Variants in DTWD1 observed in about 807,000 individuals in gnomAD.
DTWD1 encodes the protein DTW motif tRNA-uridine aminocarboxypropyltransferase 1.
Under a neutral mutation model 30.2 loss-of-function variants are expected in DTWD1, and 27 were observed. The ratio of observed to expected loss-of-function variants is 0.90; its 90% CI spans 0.66 to 1.23. DTWD1 has a LOEUF of 1.23. Among genes scored for constraint, DTWD1 ranks in the 50% most tolerant of loss-of-function variants. The pLI, the probability that DTWD1 is intolerant of heterozygous loss-of-function variation, is 0.00. For missense variants in DTWD1, 342 were observed against 348.8 expected (o/e 0.98, Z 0.15); for synonymous variants, 99 against 113.1 (o/e 0.88, Z 0.79).
intron 4 of DTWD1, among the ~76,000 whole-genome samples, chr15:49,643,028 G>A (rs1385055774): frequency 6.6e-6 from 1 of 152,102 alleles, no homozygotes; most frequent in Non-Finnish European, 1.5e-5. Context: ...CTGATACATA[G>A]AAGATTGGAA....
intron 3 of DTWD1, 64 bp downstream of exon 3, chr15:49,632,366 C>A: frequency 7.0e-7 from 1 of 1,432,020 alleles, no homozygotes; most frequent in Non-Finnish European, 9.5e-7. Context: ...ACCTCCATTG[C>A]CTTTCTGAAC....
rs1370994001 is a variant in DTWD1, at chr15:49,645,520, A to G, written c.*1942A>G. On this transcript the variant is annotated 3_prime_UTR_variant, in exon 5 of 5. Coordinates refer to ENST00000403028, the MANE Select transcript of DTWD1 (RefSeq NM_001144955.2). ...ATAGATTTTTTTTTTCATGTTTAGAACTTGGCCCTGGGAATAGAGGAAGGC... is the reference window on the plus strand; with the variant it reads ...ATAGATTTTTTTTTTCATGTTTAGAGCTTGGCCCTGGGAATAGAGGAAGGC... 2 of 152,108 alleles carry G rather than the reference A, an allele frequency of 1.3e-5. No homozygotes were observed. Among genetic ancestry groups the G allele is most frequent in the African/African-American group, 2.4e-5 (1 of 41,420 alleles). The allele number at this position is 152,108 out of a possible 1,614,324, so 9.4% of individuals were successfully genotyped here.
At chr15:49,629,126 A>T (rs1161971473) in intron 2 of DTWD1, among the ~76,000 whole-genome samples, 1 of 151,882 alleles carries the variant, frequency 6.6e-6, no homozygotes, top group Non-Finnish European at 1.5e-5. Context: ...CTATTTTGTT[A>T]CTCTGTACTC....
At chr15:49,638,168 G>A (rs1192097290) in intron 4 of DTWD1, among the ~76,000 whole-genome samples, 1 of 152,118 alleles carries the variant, frequency 6.6e-6, no homozygotes, top group Non-Finnish European at 1.5e-5. Context: ...ACCTTATATG[G>A]TAATTGAAAA....
Position 49,653,824 on chromosome 15 carries a change from GA to G in DTWD1, c.*10249del, listed in dbSNP as rs2079165475. ...AACTAAAGAAGGAACTGTTCAATTTGAAAGCAGAATTTAGAGGAAATTTTTC... is the reference window on the plus strand; with the variant it reads ...AACTAAAGAAGGAACTGTTCAATTTGAAGCAGAATTTAGAGGAAATTTTTC... On this transcript the variant is annotated 3_prime_UTR_variant, in exon 5 of 5. Coordinates refer to ENST00000403028, the MANE Select transcript of DTWD1 (RefSeq NM_001144955.2). 1 of 152,034 alleles carries G rather than the reference GA, an allele frequency of 6.6e-6. No homozygotes were observed. Among genetic ancestry groups the G allele is most frequent in the African/African-American group, 2.4e-5 (1 of 41,400 alleles). The allele number at this position is 152,034 out of a possible 1,614,324, so 9.4% of individuals were successfully genotyped here. A position where few individuals can be genotyped will look rare whatever the true frequency, so the allele number is the denominator to read the frequency against.
rs1191635112 is a variant in DTWD1 at position 49,652,862 on chromosome 15, T to TCTGCTTCAACTG, written c.*9285_*9286insTGCTTCAACTGC. On this transcript the variant is annotated 3_prime_UTR_variant, in exon 5 of 5. Transcript: ENST00000403028. ...GAATGAGGTCAGCAGCCTCCAACTG[T>TCTGCTTCAACTG]CAGCTCCTTCAGAGTCTGCTTCAAC... 1 of 152,158 alleles carries TCTGCTTCAACTG rather than the reference T, an allele frequency of 6.6e-6. No individual in the cohort carries two copies. The highest frequency in any genetic ancestry group is 6.6e-5 in the Admixed American group (1 of 15,264). The allele number at this position is 152,158 out of a possible 1,614,324, so 9.4% of individuals were successfully genotyped here.
intron 3 of DTWD1, among the ~76,000 whole-genome samples, 189 bp downstream of exon 3, chr15:49,632,491 A>G (rs922943017): frequency 1.3e-5 from 2 of 152,166 alleles, no homozygotes; most frequent in Admixed American, 6.5e-5. Flanking sequence ...CTAGACTGCT[A>G]TGCGTTTTTG....
At chr15:49,628,003 A>G (rs2078867318) in intron 2 of DTWD1, among the ~76,000 whole-genome samples, 1 of 152,352 alleles carries the variant, frequency 6.6e-6, no homozygotes, top group African/African-American at 2.4e-5. Flanking sequence ...AAACACAAAC[A>G]CATTGCACAG....
intron 3 of DTWD1, among the ~76,000 whole-genome samples, chr15:49,632,605 T>C (rs2078938175): frequency 6.6e-6 from 1 of 152,182 alleles, no homozygotes; most frequent in African/African-American, 2.4e-5. Context: ...CCTTCTCCTG[T>C]TTGTGCTACA....
At chr15:49,634,896 A>T in intron 4 of DTWD1, 102 bp downstream of exon 4, 1 of 1,065,976 alleles carries the variant, frequency 9.4e-7, no homozygotes, top group Non-Finnish European at 1.3e-6. Context: ...CTGAATACCT[A>T]TACATTTTGC....
At chr15:49,623,235 G>T (rs544093657) in intron 1 of DTWD1, among the ~76,000 whole-genome samples, 1 of 152,100 alleles carries the variant, frequency 6.6e-6, no homozygotes, top group Non-Finnish European at 1.5e-5. Flanking sequence ...CATTTTTTAG[G>T]ATGAATCCCA....
intron 4 of DTWD1, among the ~76,000 whole-genome samples, chr15:49,641,130 G>A (rs900746147): frequency 2.0e-5 from 3 of 151,844 alleles, no homozygotes; most frequent in Admixed American, 6.6e-5. Context: ...TCCTTCTCAC[G>A]TTTCAATCTG....
rs1012381559 is a variant in DTWD1, at chr15:49,644,083, G to A, written c.*505G>A. The A allele has an allele frequency of 3.3e-5, 5 of 152,118 alleles. No individual in the cohort carries two copies. The highest frequency in any genetic ancestry group is 5.9e-5 in the Non-Finnish European group (4 of 68,058). The allele number at this position is 152,118 out of a possible 1,614,324, so 9.4% of individuals were successfully genotyped here. On this transcript the variant is annotated 3_prime_UTR_variant, in exon 5 of 5. Coordinates refer to ENST00000403028, the MANE Select transcript of DTWD1 (RefSeq NM_001144955.2). The stretch of plus-strand genomic sequence containing the variant: ...TCTTTAAGTCCTAAGGTTGTTAAAA[G>A]CAGAGACTCTGGAGCTAGACTACCT...
intron 2 of DTWD1, among the ~76,000 whole-genome samples, chr15:49,627,794 T>A (rs1313625115): frequency 3.3e-5 from 5 of 152,198 alleles, no homozygotes; most frequent in Non-Finnish European, 5.9e-5. Flanking sequence ...CTGGAAGTTT[T>A]TCTTGGTGAG....
At chr15:49,636,987 C>T (rs918249997) in intron 4 of DTWD1, among the ~76,000 whole-genome samples, 2 of 152,094 alleles carry the variant, frequency 1.3e-5, no homozygotes, top group African/African-American at 4.8e-5. Context: ...AAAAACTTTT[C>T]ACCAGTGATT....
At chr15:49,625,518 A>G in intron 2 of DTWD1, 87 bp downstream of exon 2, 1 of 1,232,760 alleles carries the variant, frequency 8.1e-7, no homozygotes, top group East Asian at 2.6e-5. Context: ...GATAAACTTA[A>G]TAAATAATGT....
rs957817837 is a variant in DTWD1, at chr15:49,654,594, C to T, written c.*11016C>T. On this transcript the variant is annotated 3_prime_UTR_variant, in exon 5 of 5. Coordinates refer to ENST00000403028, the MANE Select transcript of DTWD1 (RefSeq NM_001144955.2). ...CCACCTAGGGAAGAACTGAGATGCC[C>T]CAGTCAATAGCACTGCCTTAGTCAG... The T allele has an allele frequency of 1.3e-5, 2 of 151,852 alleles. No individual in the cohort carries two copies. The highest frequency in any genetic ancestry group is 2.9e-5 in the Non-Finnish European group (2 of 67,956). 9.4% of individuals were successfully genotyped at this position (151,852 alleles called of 1,614,324 possible). A position where few individuals can be genotyped will look rare whatever the true frequency, so the allele number is the denominator to read the frequency against.
chr15:49,643,301 T>A (rs765103963), intron 4 of DTWD1, 30 bp from the exon 5 acceptor site: 2 of 1,440,610 alleles, frequency 1.4e-6, no homozygotes, highest in Admixed American at 6.2e-5. Flanking sequence ...TTTCTTTCTT[T>A]CTTTCTTTTT....
chr15:49,625,552 T>C (rs1404312191), intron 2 of DTWD1, 121 bp downstream of exon 2: 11 of 1,101,668 alleles, frequency 1.0e-5, no homozygotes, highest in Non-Finnish European at 1.3e-5. Context: ...AACAAGTGCT[T>C]GTTGCTGCAA....
Sources: gnomAD v4.1 joint callset for allele counts (sites outside exome capture counted in the v4.1 genomes callset) on GRCh38, gnomAD v4.1.1 for gene constraint, MANE v1.5 for transcripts, NCBI Gene and HGNC (gene_info 2026-07-23, HGNC 2026-07-21) for gene names.